The following GPRIN2 variants were observed in gnomAD, a reference collection of about 807,000 sequenced individuals.
GPRIN2 encodes G protein regulated inducer of neurite outgrowth 2.
In GPRIN2, 1 loss-of-function variant was observed where a neutral mutation model predicts 0.3. The observed-to-expected ratio is 3.90, with a 90% CI of 1.39 to 18.51. The LOEUF is 18.51. Among genes scored for constraint, GPRIN2 ranks in the 30% most tolerant of loss-of-function variants. The pLI is 0.11. For missense variants in GPRIN2, 880 were observed against 604.2 expected, an observed-to-expected ratio of 1.46 and a Z score of -4.79; for synonymous variants, 361 against 258.6, an observed-to-expected ratio of 1.40 and a Z score of -3.80.
rs1832638471 is a variant in GPRIN2 at position 46,549,660 on chromosome 10, G to A, written c.1077C>T (p.Ala359=). 6.8e-6 allele frequency: 11 copies of A among 1,614,070 alleles called. No homozygotes were observed. The highest frequency in any genetic ancestry group is 9.3e-6 in the Non-Finnish European group (11 of 1,179,978). The change falls in exon 3 of 3, where the codon GCC becomes GCT. Residue 359 remains alanine (A), a synonymous_variant. Coordinates refer to ENST00000374314, the MANE Select transcript of GPRIN2 (RefSeq NM_001385282.1). ...ATSPSLEAPA[A]LHVFPEVTLG... is the part of the protein sequence containing the mutation. The stretch of plus-strand genomic sequence containing the variant: ...GAGTTACCTCTGGGAACACATGCAG[G>A]GCTGCAGGCGCTTCCAGGGACGGAC...
Position 46,547,117 on chromosome 10 carries a change from C to T in GPRIN2, c.*2243G>A, listed in dbSNP as rs1842228983. On this transcript the variant is annotated 3_prime_UTR_variant, in exon 3 of 3. Coordinates refer to ENST00000374314, the MANE Select transcript of GPRIN2 (RefSeq NM_001385282.1). ...CTGCTGAACATGCCATTCACCTTGA[C>T]CCAGGTAGTGGCCTCACCCTCCTCT... 6.6e-6 allele frequency among the ~76,000 whole-genome samples: 1 copy of T among 152,300 alleles called. No homozygotes were observed.
At chr10:46,554,329 A>G (rs1842937714) in intron 2 of GPRIN2, among the ~76,000 whole-genome samples, 2 of 152,310 alleles carry the variant, frequency 1.3e-5, no homozygotes, top group Admixed American at 6.5e-5. Context: ...CCAGGTCACC[A>G]TCAGTGTCCC....
intron 1 of GPRIN2, among the ~76,000 whole-genome samples, chr10:46,555,144 G>T (rs1831937886): frequency 2.5e-4 from 38 of 152,364 alleles, no homozygotes; most frequent in African/African-American, 8.9e-4. Flanking sequence ...TGGGGTTTTC[G>T]CCATGTTGGC....
rs1832496989 is a variant in GPRIN2 at position 46,550,057 on chromosome 10, T to C, written c.680A>G (p.His227Arg). Residue 227 changes from histidine to arginine, a missense_variant, in exon 3 of 3, where the codon CAT becomes CGT. Physicochemically the swap from His to Arg is conservative, Grantham distance 29. Coordinates refer to ENST00000374314, the MANE Select transcript of GPRIN2 (RefSeq NM_001385282.1). ...AAEQLATTTCHALPPAALLCG... is the reference protein window; with the variant it reads ...AAEQLATTTCRALPPAALLCG... ...GAGTAGAGCAGCTGGGGGCAGAGCA[T>C]GGCAGGTGGTGGTAGCCAGCTGTTC... The C allele has an allele frequency of 7.4e-6, 12 of 1,613,874 alleles. No homozygotes were observed. In the East Asian group the frequency reaches 1.3e-4, roughly 18 times the overall value.
At position 46,546,404 on chromosome 10, in the gene GPRIN2, G is replaced by T. The variant is rs570760249; in HGVS notation, c.*2956C>A. Reference sequence around the variant, plus strand: ...AGGACTCCAGGGTTTATGCTCCAAAGAACAGAATTTACCAGGACAAAATAA... The same window carrying T: ...AGGACTCCAGGGTTTATGCTCCAAATAACAGAATTTACCAGGACAAAATAA... On this transcript the variant is annotated 3_prime_UTR_variant, in exon 3 of 3. Transcript: ENST00000374314. 3.3e-5 allele frequency among the ~76,000 whole-genome samples: 5 copies of T among 152,426 alleles called. No homozygotes were observed. Among genetic ancestry groups the T allele is most frequent in the African/African-American group, 4.8e-5 (2 of 41,610 alleles).
In GPRIN2 at chr10:46,550,233, G is replaced by A. The variant is rs1832440434; in HGVS notation, c.504C>T (p.Ala168=). ...PGGTSGQGGQ[A]PAGLERDLAP... ...CCAGGTCCCTTTCCAGGCCTGCAGG[G>A]GCCTGGCCACCCTGGCCAGAAGTAC... Residue 168 remains alanine, a synonymous_variant, in exon 3 of 3, where the codon GCC becomes GCT. Coordinates refer to ENST00000374314, the MANE Select transcript of GPRIN2 (RefSeq NM_001385282.1). 3 of 1,607,336 alleles carry A rather than the reference G, an allele frequency of 1.9e-6. No homozygotes were observed. Among genetic ancestry groups the A allele is most frequent in the South Asian group, 2.2e-5 (2 of 90,612 alleles).
intron 2 of GPRIN2, among the ~76,000 whole-genome samples, chr10:46,551,087 T>G (rs1252419074): frequency 6.6e-6 from 1 of 152,306 alleles, no homozygotes; most frequent in Non-Finnish European, 1.5e-5. Flanking sequence ...GAGCCAAATC[T>G]GCTGGGGCTT....
chr10:46,555,398 C>G (rs923505130), intron 1 of GPRIN2: 5 of 154,572 alleles, frequency 3.2e-5, no homozygotes, highest in Non-Finnish European at 7.2e-5. Context: ...GGCAGGAATG[C>G]ACACAGCACA....
At position 46,546,820 on chromosome 10, in the gene GPRIN2, G is replaced by A. The variant is rs1434985537; in HGVS notation, c.*2540C>T. Among the ~76,000 whole-genome samples, 1 of 152,312 alleles carries A rather than the reference G, an allele frequency of 6.6e-6. No individual in the cohort carries two copies. The highest frequency in any genetic ancestry group is 2.4e-5 in the African/African-American group (1 of 41,488). On this transcript the variant is annotated 3_prime_UTR_variant, in exon 3 of 3. Transcript: ENST00000374314. ...GACAAGGATCGTGGTTTAGCCAGGA[G>A]AATCATCTGGGGCCCCAGCCAAGAC...
At chr10:46,556,302 C>T (rs1300725356) in intron 1 of GPRIN2, among the ~76,000 whole-genome samples, 196 bp downstream of exon 1, 1 of 152,308 alleles carries the variant, frequency 6.6e-6, no homozygotes, top group African/African-American at 2.4e-5. Flanking sequence ...GAAGAGGGGA[C>T]AGGACAGGAC....
upstream of GPRIN2, among the ~76,000 whole-genome samples, chr10:46,557,293 C>A (rs1283421592): frequency 2.0e-5 from 3 of 152,304 alleles, no homozygotes; most frequent in African/African-American, 7.2e-5. Context: ...CTCATGGACC[C>A]CAAACCTCAC....
In GPRIN2 at chr10:46,554,583, AC is replaced by A. The variant is rs1159821436; in HGVS notation, c.-7+1del. The A allele has an allele frequency of 1.3e-5, 2 of 152,906 alleles. No individual in the cohort carries two copies. The highest frequency in any genetic ancestry group is 4.8e-5 in the African/African-American group (2 of 41,500). 9.5% of individuals were successfully genotyped at this position (152,906 alleles called of 1,614,324 possible). ...AGACCTCTAGTATTCTTTGAACGAT[AC>A]CTTAATGTTCTCTCTCCTGCCCCAT... On this transcript the variant is annotated splice_donor_variant, in intron 2 of 2. Coordinates refer to ENST00000374314, the MANE Select transcript of GPRIN2 (RefSeq NM_001385282.1). LOFTEE classifies it low-confidence loss of function (5UTR_SPLICE).
chr10:46,550,032 G>C lies in GPRIN2; in HGVS notation c.705C>G (p.Leu235=). Residue 235 remains leucine, a synonymous_variant, in exon 3 of 3, where the codon CTC becomes CTG. Coordinates refer to ENST00000374314, the MANE Select transcript of GPRIN2 (RefSeq NM_001385282.1). ...CAGCCCTCACCTCCCTCATGCCACA[G>C]AGTAGAGCAGCTGGGGGCAGAGCAT... The part of the protein sequence containing the change: ...TCHALPPAAL[L]CGMREVRAGG... 1 of 1,587,798 alleles carries C rather than the reference G, an allele frequency of 6.3e-7. No individual in the cohort carries two copies. Among genetic ancestry groups the C allele is most frequent in the Non-Finnish European group, 8.6e-7 (1 of 1,165,832 alleles).
At chr10:46,553,175 G>A (rs1425150580) in intron 2 of GPRIN2, among the ~76,000 whole-genome samples, 1 of 152,312 alleles carries the variant, frequency 6.6e-6, no homozygotes, top group Non-Finnish European at 1.5e-5. Flanking sequence ...TGGGGCAGCT[G>A]AGCTCCTCTC....
At chr10:46,553,069 C>A (rs1832071756) in intron 2 of GPRIN2, among the ~76,000 whole-genome samples, 14 of 152,288 alleles carry the variant, frequency 9.2e-5, no homozygotes, top group Non-Finnish European at 1.3e-4. Flanking sequence ...TATAACTGTG[C>A]AAGCAACCTC....
rs1832599130 is a variant in GPRIN2, at chr10:46,549,755, A to G, written c.982T>C (p.Ser328Pro). The change falls in exon 3 of 3, where the codon TCC (serine) becomes CCC (proline). Residue 328 changes from serine to proline, a missense_variant. Ser to Pro is a moderately conservative substitution (Grantham distance 74, BLOSUM62 -1). Transcript: ENST00000374314. ...SANDLAPAEA[S>P]PLSAQDAGVQ... ...CCAGCATCCTGGGCTGACAGCGGGG[A>G]TGCCTCTGCAGGGGCCAAGTCATTG... 1.9e-6 allele frequency: 3 copies of G among 1,614,176 alleles called. No homozygotes were observed. The highest frequency in any genetic ancestry group is 2.5e-6 in the Non-Finnish European group (3 of 1,180,016).
Position 46,549,406 on chromosome 10 carries a change from AG to A in GPRIN2, c.1330del (p.Leu444CysfsTer28). The A allele has an allele frequency of 6.5e-7, 1 of 1,536,614 alleles. No individual in the cohort carries two copies. Among genetic ancestry groups the A allele is most frequent in the African/African-American group, 1.4e-5 (1 of 72,764 alleles). On this transcript the variant is annotated frameshift_variant, in exon 3 of 3. Coordinates refer to ENST00000374314, the MANE Select transcript of GPRIN2 (RefSeq NM_001385282.1). LOFTEE classifies it high-confidence loss of function. Reference protein sequence around the residue: ...RGPLRAVMQSLRRPSCCGCSG... With the variant: ...RGPLRAVMQSXRRPSCCGCSG... Reference sequence around the variant, plus strand: ...GCAGCCGCAGCAGCTGGGGCGCCGCAGGGACTGCATGACAGCCCGCAGTGGC... The same window carrying A: ...GCAGCCGCAGCAGCTGGGGCGCCGCAGGACTGCATGACAGCCCGCAGTGGC...
intron 2 of GPRIN2, among the ~76,000 whole-genome samples, chr10:46,554,251 C>T (rs1842925305): frequency 6.6e-6 from 1 of 152,312 alleles, no homozygotes; most frequent in African/African-American, 2.4e-5. Flanking sequence ...TTTCAGAAGC[C>T]ATCAAGACAC....
In GPRIN2 at chr10:46,549,834, C is replaced by T. The variant is rs1832578529; in HGVS notation, c.903G>A (p.Gly301=). ...HCCAHLWGPA[G]LVPEPGSRTK... The stretch of plus-strand genomic sequence containing the variant: ...TCCTAGAGCCAGGCTCTGGGACTAA[C>T]CCAGCGGGACCCCAAAGGTGGGCAC... Residue 301 remains glycine (G), a synonymous_variant, in exon 3 of 3, where the codon GGG becomes GGA. Transcript: ENST00000374314. 35 of 1,614,082 alleles carry T rather than the reference C, an allele frequency of 2.2e-5. No homozygotes were observed. In the South Asian group the frequency reaches 3.6e-4, roughly 17 times the overall value.
Sources: allele counts gnomAD v4.1 joint callset (sites outside exome capture counted in the v4.1 genomes callset), GRCh38; gene constraint gnomAD v4.1.1; transcripts MANE v1.5; gene names NCBI Gene and HGNC (gene_info 2026-07-23, HGNC 2026-07-21).